ARL6IP6: variants seen among roughly 807,000 people sequenced by gnomAD.
ARL6IP6 encodes ARF like GTPase 6 interacting protein 6.
In ARL6IP6, 22 loss-of-function variants were observed where a neutral mutation model predicts 21.5. The observed-to-expected ratio is 1.02, with a 90% confidence interval of 0.73 to 1.46. The LOEUF is 1.46. Among genes scored for constraint, ARL6IP6 ranks in the 40% most tolerant of loss-of-function variants. The pLI is 0.00. For missense variants in ARL6IP6, 388 were observed against 299.8 expected (o/e 1.29, Z -2.17); for synonymous variants, 164 against 125.3 (o/e 1.31, Z -2.06).
At chr2:152,738,374 C>T (rs1700645228) in intron 3 of ARL6IP6, among the ~76,000 whole-genome samples, 1 of 152,228 alleles carries the variant, frequency 6.6e-6, no homozygotes, top group Admixed American at 6.5e-5. Flanking sequence ...TAGGTAGTTC[C>T]CCCGTGGGGA....
rs377338424 is a variant in ARL6IP6, at chr2:152,738,583, C to G, written c.587+3457C>G. On this transcript the variant is annotated intron_variant, in intron 3 of 3. Transcript: ENST00000326446. ...CTGCAGTCCCAACACCACATGTAAG[C>G]CACCAAGGCTTGGGGTTTGCACCCT... Among the ~76,000 whole-genome samples the G allele has an allele frequency of 5.1e-4, 78 of 152,328 alleles. 3 individuals carry two copies. In the South Asian group the frequency reaches 9.7e-3, roughly 19 times the overall value.
chr2:152,757,904 C>T (rs1372979472), intron 3 of ARL6IP6, among the ~76,000 whole-genome samples: 1 of 152,172 alleles, frequency 6.6e-6, no homozygotes, highest in African/African-American at 2.4e-5. Context: ...TTCAATTCTA[C>T]CAACATTGTA....
upstream of ARL6IP6, chr2:152,718,072 A>T (rs544031932): frequency 8.0e-6 from 8 of 993,962 alleles, no homozygotes; most frequent in East Asian, 9.0e-4. Flanking sequence ...GGAGAACCAC[A>T]CTAAAGGGAG....
At chr2:152,726,696 C>T (rs1700066395) in intron 2 of ARL6IP6, among the ~76,000 whole-genome samples, 1 of 152,200 alleles carries the variant, frequency 6.6e-6, no homozygotes, top group African/African-American at 2.4e-5. Context: ...TAGCTAAGTA[C>T]AGCCATACAC....
At chr2:152,755,555 A>C (rs1015232103) in intron 3 of ARL6IP6, among the ~76,000 whole-genome samples, 2 of 152,164 alleles carry the variant, frequency 1.3e-5, no homozygotes, top group African/African-American at 4.8e-5. Flanking sequence ...ATAATGACAT[A>C]AGCCTGTCTC....
chr2:152,755,448 C>T (rs1341099583), intron 3 of ARL6IP6, among the ~76,000 whole-genome samples: 2 of 152,152 alleles, frequency 1.3e-5, no homozygotes, highest in African/African-American at 4.8e-5. Flanking sequence ...CGCTCCTGGT[C>T]CACCCACTTT....
intron 3 of ARL6IP6, among the ~76,000 whole-genome samples, chr2:152,758,412 A>G (rs1263814093): frequency 6.6e-6 from 1 of 152,064 alleles, no homozygotes; most frequent in East Asian, 1.9e-4. Context: ...GTCACTAAAT[A>G]TTTTATGATG....
chr2:152,737,960 G>A (rs182660372), intron 3 of ARL6IP6, among the ~76,000 whole-genome samples: 28 of 152,282 alleles, frequency 1.8e-4, no homozygotes, highest in African/African-American at 6.7e-4. Flanking sequence ...TCTGAGACAA[G>A]GAAAGTCCCT....
intron 2 of ARL6IP6, among the ~76,000 whole-genome samples, chr2:152,730,535 T>C (rs1487414282): frequency 3.3e-5 from 5 of 152,092 alleles, no homozygotes; most frequent in Admixed American, 6.6e-5. Context: ...CTAAATCTTA[T>C]AATTTTTTTT....
At chr2:152,725,474 T>A (rs1699998744) in intron 2 of ARL6IP6, among the ~76,000 whole-genome samples, 1 of 152,052 alleles carries the variant, frequency 6.6e-6, no homozygotes, top group Non-Finnish European at 1.5e-5. Context: ...AAAGGTGATT[T>A]GGAAAAAAAA....
upstream of ARL6IP6, chr2:152,717,999 G>T: frequency 1.0e-6 from 1 of 996,644 alleles, no homozygotes; most frequent in Non-Finnish European, 1.2e-6. Flanking sequence ...GCACCAGGTG[G>T]AGAGCGCGCG....
intron 2 of ARL6IP6, among the ~76,000 whole-genome samples, chr2:152,723,732 T>C (rs1401251216): frequency 1.3e-5 from 2 of 152,172 alleles, no homozygotes; most frequent in Non-Finnish European, 2.9e-5. Flanking sequence ...GGGGACTTGC[T>C]TTTTTAAAAG....
chr2:152,735,788 A>G (rs140395381), intron 3 of ARL6IP6, among the ~76,000 whole-genome samples: 1,828 of 149,830 alleles, frequency 0.012, 42 homozygotes, highest in African/African-American at 0.042. Flanking sequence ...CATGAAGACA[A>G]GAAACTAAAT....
rs1374372974 is a variant in ARL6IP6 at position 152,719,947 on chromosome 2, A to ATT, written c.401-583_401-582dup. On this transcript the variant is annotated intron_variant, in intron 1 of 3. Coordinates refer to ENST00000326446, the MANE Select transcript of ARL6IP6 (RefSeq NM_152522.7). ...GGCATCTAAAACCTTACAATGCTTG[A>ATT]TTTTCATACAGAAGACACTTTGGCC... 1.8e-5 allele frequency: 6 copies of ATT among 335,842 alleles called. No individual in the cohort carries two copies. In the East Asian group the frequency reaches 6.0e-4, roughly 34 times the overall value. 20.8% of individuals were successfully genotyped at this position (335,842 alleles called of 1,614,324 possible). A position where few individuals can be genotyped will look rare whatever the true frequency, so the allele number is the denominator to read the frequency against.
At chr2:152,745,930 A>G (rs1002563620) in intron 3 of ARL6IP6, among the ~76,000 whole-genome samples, 2 of 149,768 alleles carry the variant, frequency 1.3e-5, no homozygotes, top group African/African-American at 4.9e-5. Context: ...AAAATCCTCT[A>G]GGAAATTGTA....
chr2:152,749,336 C>CACACACAT (rs1553533297), intron 3 of ARL6IP6, among the ~76,000 whole-genome samples: 2 of 149,332 alleles, frequency 1.3e-5, no homozygotes, highest in African/African-American at 4.9e-5. Context: ...CACACACACA[C>CACACACAT]GCACGCACGC....
At chr2:152,731,657 G>T (rs1017261133) in intron 2 of ARL6IP6, among the ~76,000 whole-genome samples, 12 of 152,036 alleles carry the variant, frequency 7.9e-5, no homozygotes, top group Admixed American at 3.3e-4. Flanking sequence ...TGAATAGGTA[G>T]AATAGTCATA....
At chr2:152,748,253 T>C (rs924061050) in intron 3 of ARL6IP6, among the ~76,000 whole-genome samples, 3 of 152,224 alleles carry the variant, frequency 2.0e-5, no homozygotes, top group Non-Finnish European at 4.4e-5. Context: ...ATCAACTTTG[T>C]CTGCTCTTCA....
chr2:152,718,665 G>T lies in ARL6IP6; in HGVS notation c.41G>T (p.Arg14Leu), dbSNP rs772565683. ...AGCGGGTGGCGGTCGGCTCTGCGGC[G>T]CCGCGGTCCCGGCACCCCGGGCCCT... ...AESGWRSALR[R>L]RGPGTPGPVA... The change falls in exon 1 of 4, where the codon CGC becomes CTC. Residue 14 changes from arginine (R) to leucine (L), a missense_variant. Transcript: ENST00000326446. 1 of 1,567,852 alleles carries T rather than the reference G, an allele frequency of 6.4e-7. No individual in the cohort carries two copies. The highest frequency in any genetic ancestry group is 2.3e-5 in the East Asian group (1 of 43,830).
Sources: allele counts gnomAD v4.1 joint callset (sites outside exome capture counted in the v4.1 genomes callset), GRCh38; gene constraint gnomAD v4.1.1; transcripts MANE v1.5; gene names NCBI Gene and HGNC (gene_info 2026-07-23, HGNC 2026-07-21).